The following LRRN3 variants were observed in gnomAD, a reference collection of about 807,000 sequenced individuals.
LRRN3 encodes leucine rich repeat neuronal 3, also known as leucine-rich repeat neuronal protein 3.
LRRN3 carries 15 observed loss-of-function variants against 40.1 expected under a neutral mutation model. The observed-to-expected ratio is 0.37, with a 90% confidence interval of 0.25 to 0.58. The LOEUF is 0.58. Ranked by LOEUF, LRRN3 falls within the 20% of genes least tolerant of loss-of-function variation. The pLI is 0.72. For synonymous variants in LRRN3, 308 were observed against 297.2 expected (o/e 1.04, Z -0.37); for missense variants, 746 against 837.7 (o/e 0.89, Z 1.35).
At position 111,123,145 on chromosome 7, in the gene LRRN3, G is replaced by A. The variant is rs758322925; in HGVS notation, c.373G>A (p.Glu125Lys). The part of the protein sequence containing the change: ...MPQLLSVYLE[E>K]NKLTELPEKC... Reference sequence around the variant, plus strand: ...TCAGCTCCTTTCTGTGTACCTAGAGGAAAACAAACTTACTGAACTGCCTGA... The same window carrying A: ...TCAGCTCCTTTCTGTGTACCTAGAGAAAAACAAACTTACTGAACTGCCTGA... The change falls in exon 3 of 3, where the codon GAA becomes AAA. Residue 125 changes from glutamate to lysine, a missense_variant. Glu to Lys is a moderately conservative substitution (Grantham distance 56). Coordinates refer to ENST00000308478, the MANE Select transcript of LRRN3 (RefSeq NM_001099658.2). This position sits in a 1 kb window ranked among gnomAD's most constrained non-coding sequence, Gnocchi z 6.4. 6.2e-7 allele frequency: 1 copy of A among 1,613,876 alleles called. No individual in the cohort carries two copies. Among genetic ancestry groups the A allele is most frequent in the Non-Finnish European group, 8.5e-7 (1 of 1,179,954 alleles).
At chr7:111,116,204 G>A (rs1219660952) in intron 2 of LRRN3, among the ~76,000 whole-genome samples, 2 of 152,124 alleles carry the variant, frequency 1.3e-5, no homozygotes, top group African/African-American at 2.4e-5. Flanking sequence ...CCTATATCCA[G>A]AGGAATGGAA....
intron 2 of LRRN3, among the ~76,000 whole-genome samples, chr7:111,118,201 A>T (rs1382925102): frequency 2.0e-5 from 3 of 152,110 alleles, no homozygotes. Flanking sequence ...TGGTGAGCAG[A>T]TATTTTATCT....
At chr7:111,104,562 G>A (rs1424487273) in intron 2 of LRRN3, among the ~76,000 whole-genome samples, 1 of 151,362 alleles carries the variant, frequency 6.6e-6, no homozygotes, top group Non-Finnish European at 1.5e-5. Flanking sequence ...ATGGTTGCCA[G>A]CAATAGTTGT....
chr7:111,122,232 G>T (rs1465165976), intron 2 of LRRN3, among the ~76,000 whole-genome samples, 183 bp from the exon 3 acceptor site: 1 of 149,444 alleles, frequency 6.7e-6, no homozygotes, highest in Non-Finnish European at 1.5e-5. Context: ...TAAAAAAAAA[G>T]AATTATCAAG....
At position 111,113,334 on chromosome 7, in the gene LRRN3, C is replaced by T. The variant is rs187034638; in HGVS notation, c.-358-9081C>T. Among the ~76,000 whole-genome samples the T allele has an allele frequency of 1.7e-3, 260 of 152,216 alleles. 2 individuals are homozygous for T. The highest frequency in any genetic ancestry group is 1.5e-3 in the Non-Finnish European group (100 of 68,010). On this transcript the variant is annotated intron_variant, in intron 2 of 2. Transcript: ENST00000308478. ...CAGCATATCTATGCTTCAAAACCATCCCTCCTGAGATTGATAAAAGCATTT... is the reference window on the plus strand; with the variant it reads ...CAGCATATCTATGCTTCAAAACCATTCCTCCTGAGATTGATAAAAGCATTT...
chr7:111,105,292 T>C (rs1348265754), intron 2 of LRRN3, among the ~76,000 whole-genome samples: 2 of 151,928 alleles, frequency 1.3e-5, no homozygotes, highest in Non-Finnish European at 2.9e-5. Context: ...CTTCTATGAA[T>C]CTGACATCTA....
chr7:111,115,514 C>T (rs183290931), intron 2 of LRRN3, among the ~76,000 whole-genome samples: 9 of 151,782 alleles, frequency 5.9e-5, no homozygotes, highest in African/African-American at 2.2e-4. Context: ...AAGATTTCAT[C>T]CCCCCCTCTG....
At chr7:111,093,324 GT>G (rs1797060618) in intron 1 of LRRN3, among the ~76,000 whole-genome samples, 1 of 152,124 alleles carries the variant, frequency 6.6e-6, no homozygotes, top group African/African-American at 2.4e-5. Flanking sequence ...AGGAAAAAGT[GT>G]TTTATTTGCT....
chr7:111,095,874 C>A (rs1797346608), intron 1 of LRRN3, among the ~76,000 whole-genome samples: 1 of 151,890 alleles, frequency 6.6e-6, no homozygotes, highest in Non-Finnish European at 1.5e-5. Flanking sequence ...ATTATCAGGA[C>A]AGCAATCCCT....
rs1287944246 is a variant in LRRN3, at chr7:111,091,314, TAGAG to T, written c.-627_-624del. On this transcript the variant is annotated 5_prime_UTR_variant, in exon 1 of 3. Coordinates refer to ENST00000308478, the MANE Select transcript of LRRN3 (RefSeq NM_001099658.2). ...TCCTGCCTTCCTTTATATTTTAAAA[TAGAG>T]AGATAAGATTGCGTGCATGTGTGCA... 2 of 152,258 alleles carry T rather than the reference TAGAG, an allele frequency of 1.3e-5. No individual in the cohort carries two copies. Among genetic ancestry groups the T allele is most frequent in the Middle Eastern group, 3.4e-3 (1 of 294 alleles). 9.4% of individuals were successfully genotyped at this position (152,258 alleles called of 1,614,324 possible).
At chr7:111,120,055 G>T (rs1198720765) in intron 2 of LRRN3, among the ~76,000 whole-genome samples, 2 of 152,162 alleles carry the variant, frequency 1.3e-5, no homozygotes, top group African/African-American at 4.8e-5. Flanking sequence ...ATAGGGAGAA[G>T]GTTGCCTGCA....
intron 2 of LRRN3, among the ~76,000 whole-genome samples, chr7:111,110,347 T>A (rs926931163): frequency 1.3e-5 from 2 of 152,202 alleles, no homozygotes; most frequent in Non-Finnish European, 2.9e-5. Context: ...TATTCATTAT[T>A]ATGACAAAGT....
At chr7:111,117,215 A>C (rs559167668) in intron 2 of LRRN3, among the ~76,000 whole-genome samples, 1 of 152,174 alleles carries the variant, frequency 6.6e-6, no homozygotes, top group Non-Finnish European at 1.5e-5. Context: ...AAATCAGATA[A>C]GTGAGTTTAC....
chr7:111,099,214 C>T (rs963871616), intron 1 of LRRN3, among the ~76,000 whole-genome samples: 1 of 151,638 alleles, frequency 6.6e-6, no homozygotes, highest in Non-Finnish European at 1.5e-5. Flanking sequence ...AAACTTAGCT[C>T]ATTGGTCTCA....
intron 2 of LRRN3, among the ~76,000 whole-genome samples, chr7:111,115,615 T>G (rs1271392083): frequency 6.6e-6 from 1 of 151,914 alleles, no homozygotes; most frequent in Non-Finnish European, 1.5e-5. Flanking sequence ...AAATTGGACG[T>G]ATTAGGGTGA....
chr7:111,094,642 G>C (rs563588012), intron 1 of LRRN3, among the ~76,000 whole-genome samples: 1 of 152,224 alleles, frequency 6.6e-6, no homozygotes, highest in South Asian at 2.1e-4. Flanking sequence ...GAGTACTTAG[G>C]AAAGCTTCAC....
intron 2 of LRRN3, among the ~76,000 whole-genome samples, chr7:111,112,137 G>A (rs986430590): frequency 1.3e-5 from 2 of 151,290 alleles, no homozygotes; most frequent in African/African-American, 2.4e-5. Context: ...TAGTAGAGAC[G>A]GAGTATTTTT....
chr7:111,118,955 A>AT (rs1800240735), intron 2 of LRRN3, among the ~76,000 whole-genome samples: 1 of 152,306 alleles, frequency 6.6e-6, no homozygotes, highest in Non-Finnish European at 1.5e-5. Flanking sequence ...AAATGATGAA[A>AT]TAAGAAAACA....
chr7:111,092,407 A>T (rs188409782), intron 1 of LRRN3, among the ~76,000 whole-genome samples: 1 of 152,168 alleles, frequency 6.6e-6, no homozygotes, highest in South Asian at 2.1e-4. Flanking sequence ...GCTCTAATTT[A>T]TTCATTTTTA....
Sources: gnomAD v4.1 joint callset for allele counts (sites outside exome capture counted in the v4.1 genomes callset) on GRCh38, gnomAD v4.1.1 for gene constraint, Gnocchi (gnomAD v3.1) non-coding constraint, MANE v1.5 for transcripts, NCBI Gene and HGNC (gene_info 2026-07-23, HGNC 2026-07-21) for gene names.